Variants in IL34 observed in about 807,000 individuals in gnomAD.
The protein encoded by IL34 is interleukin 34, also known as interleukin-34.
IL34 carries 17 observed loss-of-function variants against 25.3 expected under a neutral mutation model. The ratio of observed to expected loss-of-function variants is 0.67; its 90% CI spans 0.46 to 1.01. IL34 has a LOEUF of 1.01. IL34 is among the 50% of genes least tolerant of loss of function. The pLI, the probability that IL34 is intolerant of heterozygous loss-of-function variation, is 0.00. For synonymous variants in IL34, 174 were observed against 140.9 expected (o/e 1.23, Z -1.66); for missense variants, 368 against 312.9 (o/e 1.18, Z -1.33).
chr16:70,592,866 G>C (rs1204613443), intron 1 of IL34, among the ~76,000 whole-genome samples: 1 of 152,164 alleles, frequency 6.6e-6, no homozygotes, highest in African/African-American at 2.4e-5. Context: ...TGTTGGTCAG[G>C]CTGGTCTTGA....
chr16:70,629,647 ATGTC>A (rs1217211029), intron 1 of IL34, among the ~76,000 whole-genome samples: 3 of 152,068 alleles, frequency 2.0e-5, no homozygotes, highest in Non-Finnish European at 4.4e-5. Context: ...GACAAGAAAA[ATGTC>A]TGTACATGTT....
chr16:70,657,171 G>A, intron 4 of IL34, 50 bp downstream of exon 4: 2 of 1,567,738 alleles, frequency 1.3e-6, no homozygotes, highest in Non-Finnish European at 1.7e-6. Flanking sequence ...GTGCACACGT[G>A]TGTACATGTG....
intron 1 of IL34, among the ~76,000 whole-genome samples, chr16:70,587,235 C>T (rs1245078956): frequency 6.6e-6 from 1 of 151,956 alleles, no homozygotes; most frequent in Non-Finnish European, 1.5e-5. Context: ...GGGATGGGGG[C>T]TGCTGAGAGC....
At chr16:70,610,782 C>T (rs1027503476) in intron 1 of IL34, among the ~76,000 whole-genome samples, 10 of 152,246 alleles carry the variant, frequency 6.6e-5, no homozygotes, top group African/African-American at 9.6e-5. Flanking sequence ...GAGTAGCCGT[C>T]GGTGCGGGAC....
intron 1 of IL34, among the ~76,000 whole-genome samples, chr16:70,581,944 C>A (rs1283077670): frequency 5.9e-5 from 9 of 152,158 alleles, no homozygotes; most frequent in South Asian, 2.1e-4. Flanking sequence ...AAAACAAAAA[C>A]AAACAAAAAC....
At chr16:70,619,158 A>G (rs1297467050) in intron 1 of IL34, among the ~76,000 whole-genome samples, 1 of 152,202 alleles carries the variant, frequency 6.6e-6, no homozygotes, top group Non-Finnish European at 1.5e-5. Context: ...GCCATGCTGT[A>G]GCAGACGAGT....
chr16:70,627,398 C>G (rs1448762186), intron 1 of IL34, among the ~76,000 whole-genome samples: 2 of 151,332 alleles, frequency 1.3e-5, no homozygotes, highest in African/African-American at 4.9e-5. Flanking sequence ...CACTCACTAT[C>G]CCTCCCTCCC....
At chr16:70,658,790 T>C (rs1377939672) in intron 4 of IL34, among the ~76,000 whole-genome samples, 2 of 152,192 alleles carry the variant, frequency 1.3e-5, no homozygotes, top group Admixed American at 1.3e-4. Context: ...TTTCATGGCC[T>C]TCTGCCCTGT....
At chr16:70,641,204 C>T (rs941083284) in intron 1 of IL34, among the ~76,000 whole-genome samples, 4 of 152,008 alleles carry the variant, frequency 2.6e-5, no homozygotes, top group African/African-American at 9.7e-5. Context: ...ACCTGGGAGG[C>T]AGAGGTTGCA....
chr16:70,637,716 G>A (rs1044225672), intron 1 of IL34, among the ~76,000 whole-genome samples: 1 of 152,210 alleles, frequency 6.6e-6, no homozygotes, highest in African/African-American at 2.4e-5. Flanking sequence ...AAGGATGTCA[G>A]ATAGTTTCCC....
chr16:70,658,154 C>G (rs1551530), intron 4 of IL34, among the ~76,000 whole-genome samples: 48,556 of 151,906 alleles, frequency 0.32, 7,925 homozygotes, highest in South Asian at 0.45. Context: ...CCCAGCTTGT[C>G]GGGAGAACAT....
intron 1 of IL34, among the ~76,000 whole-genome samples, chr16:70,603,945 T>C (rs1191913452): frequency 1.3e-5 from 2 of 152,158 alleles, no homozygotes; most frequent in South Asian, 2.1e-4. Context: ...CCCTGGTTGA[T>C]ACATGTTAGC....
intron 4 of IL34, among the ~76,000 whole-genome samples, chr16:70,659,004 A>G (rs1253416948): frequency 6.6e-6 from 1 of 152,176 alleles, no homozygotes; most frequent in African/African-American, 2.4e-5. Context: ...TTGGCCCAGG[A>G]CATGTTGCCT....
In IL34 at chr16:70,630,237, C is replaced by A. The variant is rs114302752; in HGVS notation, c.-400-16311C>A. The stretch of plus-strand genomic sequence containing the variant: ...TATATGTTCTACATTTTCTTTCCTT[C>A]TTTCTTTTTAATTTTTTTTGGAGAT... On this transcript the variant is annotated intron_variant, in intron 1 of 6. Transcript: ENST00000429149. 5.5e-3 allele frequency among the ~76,000 whole-genome samples: 838 copies of A among 152,086 alleles called. 3 individuals are homozygous for A. Among genetic ancestry groups the A allele is most frequent in the African/African-American group, 0.019 (777 of 41,480 alleles).
At chr16:70,648,289 C>A (rs1048289949) in intron 1 of IL34, among the ~76,000 whole-genome samples, 1 of 152,152 alleles carries the variant, frequency 6.6e-6, no homozygotes, top group Non-Finnish European at 1.5e-5. Flanking sequence ...GGGCTGGTGG[C>A]TCACGCCCGT....
intron 1 of IL34, among the ~76,000 whole-genome samples, chr16:70,635,681 C>T (rs1449521396): frequency 6.6e-6 from 1 of 152,152 alleles, no homozygotes; most frequent in Non-Finnish European, 1.5e-5. Context: ...GTATTTTGCT[C>T]ACAGACCTCT....
chr16:70,654,292 G>C (rs2052156444), intron 1 of IL34: 2 of 377,648 alleles, frequency 5.3e-6, no homozygotes, highest in Non-Finnish European at 9.5e-6. Flanking sequence ...CGTGCCTCCT[G>C]GGGGGCTCCA....
intron 1 of IL34, among the ~76,000 whole-genome samples, chr16:70,635,636 G>A (rs2051624706): frequency 6.6e-6 from 1 of 152,146 alleles, no homozygotes; most frequent in African/African-American, 2.4e-5. Flanking sequence ...GTCCCACGCT[G>A]GGTTTCTTTC....
At chr16:70,597,688 T>C (rs1017769357) in intron 1 of IL34, among the ~76,000 whole-genome samples, 1 of 152,250 alleles carries the variant, frequency 6.6e-6, no homozygotes, top group Non-Finnish European at 1.5e-5. Flanking sequence ...TACATGATGA[T>C]GTACACTCTA....
Sources: gnomAD v4.1 joint callset for allele counts (sites outside exome capture counted in the v4.1 genomes callset) on GRCh38, gnomAD v4.1.1 for gene constraint, MANE v1.5 for transcripts, NCBI Gene and HGNC (gene_info 2026-07-23, HGNC 2026-07-21) for gene names.